CHRNA2: variants seen among roughly 807,000 people sequenced by gnomAD.
CHRNA2 encodes cholinergic receptor nicotinic alpha 2 subunit, also known as neuronal acetylcholine receptor subunit alpha-2.
Under a neutral mutation model 45.5 loss-of-function variants are expected in CHRNA2, and 40 were observed. The observed-to-expected ratio is 0.88, with a 90% CI of 0.68 to 1.15. The LOEUF (loss-of-function observed/expected upper bound fraction) is 1.15. CHRNA2 is among the 50% of genes most tolerant of loss of function. The pLI, the probability that CHRNA2 is intolerant of heterozygous loss-of-function variation, is 0.00. For missense variants in CHRNA2, 655 were observed against 701.7 expected (o/e 0.93, Z 0.75); for synonymous variants, 301 against 296.7 (o/e 1.01, Z -0.15).
At chr8:27,473,379 A>G (rs987993919) in intron 1 of CHRNA2, among the ~76,000 whole-genome samples, 6 of 152,216 alleles carry the variant, frequency 3.9e-5, no homozygotes, top group Non-Finnish European at 8.8e-5. Context: ...TTTTCAAGAA[A>G]GAATAAGGGT....
chr8:27,477,799 G>A (rs540572194), intron 1 of CHRNA2, among the ~76,000 whole-genome samples: 19 of 152,138 alleles, frequency 1.2e-4, no homozygotes, highest in Admixed American at 5.9e-4. Context: ...AAGTGGGTCT[G>A]GGTGAATGGG....
At position 27,470,971 on chromosome 8, in the gene CHRNA2, G is replaced by T. The variant is rs1212663669; in HGVS notation, c.73+15C>A. 6.2e-7 allele frequency: 1 copy of T among 1,613,478 alleles called. No individual in the cohort carries two copies. Among genetic ancestry groups the T allele is most frequent in the African/African-American group, 1.3e-5 (1 of 75,030 alleles). On this transcript the variant is annotated intron_variant, in intron 2 of 6. Transcript: ENST00000407991. Reference sequence around the variant, plus strand: ...ATGAGATGAAGTCTTACAATGACAGGTGACAAACACTCACCTGCTGGGGTC... The same window carrying T: ...ATGAGATGAAGTCTTACAATGACAGTTGACAAACACTCACCTGCTGGGGTC...
chr8:27,477,339 C>T (rs969260705), intron 1 of CHRNA2: 7 of 152,172 alleles, frequency 4.6e-5, no homozygotes, highest in African/African-American at 1.7e-4. Context: ...TCTCATCCAG[C>T]CAACCAATAT....
intron 1 of CHRNA2, chr8:27,475,332 T>G (rs1020737543): frequency 6.6e-6 from 1 of 152,246 alleles, no homozygotes; most frequent in Non-Finnish European, 1.5e-5. Context: ...TGAACAAATG[T>G]GGTCTATCCA....
Position 27,471,102 on chromosome 8 carries a change from G to T in CHRNA2, c.-44C>A, listed in dbSNP as rs1812869020. ...GGAGGTCAGGTCAGGGCTTTGCTGTGGGTTGCACCATGGACCATGTCCCCA... is the reference window on the plus strand; with the variant it reads ...GGAGGTCAGGTCAGGGCTTTGCTGTTGGTTGCACCATGGACCATGTCCCCA... On this transcript the variant is annotated 5_prime_UTR_variant, in exon 2 of 7. Coordinates refer to ENST00000407991, the MANE Select transcript of CHRNA2 (RefSeq NM_000742.4). 1.9e-6 allele frequency: 3 copies of T among 1,571,902 alleles called. No individual in the cohort carries two copies. The highest frequency in any genetic ancestry group is 2.6e-6 in the Non-Finnish European group (3 of 1,142,538).
At chr8:27,468,605 T>G (rs774321437) in intron 4 of CHRNA2, among the ~76,000 whole-genome samples, 1 of 152,228 alleles carries the variant, frequency 6.6e-6, no homozygotes, top group Non-Finnish European at 1.5e-5. Flanking sequence ...GGAGAGACTC[T>G]GAGGATGCCT....
chr8:27,461,729 G>GCAACATAC lies in CHRNA2; in HGVS notation c.1482_1489dup (p.Ala497GlyfsTer32). 1 of 1,614,196 alleles carries GCAACATAC rather than the reference G, an allele frequency of 6.2e-7. No homozygotes were observed. The highest frequency in any genetic ancestry group is 8.5e-7 in the Non-Finnish European group (1 of 1,180,010). On this transcript the variant is annotated frameshift_variant, in exon 7 of 7. Coordinates refer to ENST00000407991, the MANE Select transcript of CHRNA2 (RefSeq NM_000742.4). LOFTEE classifies it high-confidence loss of function. ...GAGGAAGATCCTGTCGATGACCATG[G>GCAACATAC]CAACATACTTCCAGTCCTCCTTCAC... is the stretch of plus-strand genomic sequence containing the variant.
intron 6 of CHRNA2, 23 bp downstream of exon 6, chr8:27,462,956 C>T (rs372560781): frequency 3.8e-5 from 61 of 1,613,688 alleles, no homozygotes; most frequent in Non-Finnish European, 4.6e-5. Flanking sequence ...CCCAGGCTGG[C>T]GCCTCTCCCA....
chr8:27,464,774 G>A (rs949410789), intron 5 of CHRNA2, among the ~76,000 whole-genome samples: 2 of 152,170 alleles, frequency 1.3e-5, no homozygotes, highest in African/African-American at 2.4e-5. Context: ...TACCTTGAAT[G>A]TATCCATTTA....
chr8:27,462,297 A>T (rs999685257), intron 6 of CHRNA2, among the ~76,000 whole-genome samples: 2 of 152,134 alleles, frequency 1.3e-5, no homozygotes, highest in Non-Finnish European at 2.9e-5. Flanking sequence ...CATCATGATT[A>T]ATTTTCTTGT....
At position 27,461,408 on chromosome 8, in the gene CHRNA2, C is replaced by T. The variant is rs1199031980; in HGVS notation, c.*221G>A. On this transcript the variant is annotated 3_prime_UTR_variant, in exon 7 of 7. Coordinates refer to ENST00000407991, the MANE Select transcript of CHRNA2 (RefSeq NM_000742.4). Reference sequence around the variant, plus strand: ...ATTGCGACCTTCTGCAGAGCTTCCCCAGCTCCTCCGTATCCAAAACAGGGC... The same window carrying T: ...ATTGCGACCTTCTGCAGAGCTTCCCTAGCTCCTCCGTATCCAAAACAGGGC... 3 of 617,644 alleles carry T rather than the reference C, an allele frequency of 4.9e-6. No individual in the cohort carries two copies. Among genetic ancestry groups the T allele is most frequent in the Non-Finnish European group, 8.3e-6 (3 of 361,146 alleles). 38.3% of individuals were successfully genotyped at this position (617,644 alleles called of 1,614,324 possible).
At chr8:27,464,138 C>T in intron 5 of CHRNA2, 145 bp from the exon 6 acceptor site, 1 of 862,372 alleles carries the variant, frequency 1.2e-6, no homozygotes, top group Non-Finnish European at 1.9e-6. Context: ...GTGTGTAAGT[C>T]TCCCCCGGCA....
intron 1 of CHRNA2, among the ~76,000 whole-genome samples, chr8:27,476,226 GC>G (rs1813056737): frequency 6.6e-6 from 1 of 152,334 alleles, no homozygotes; most frequent in African/African-American, 2.4e-5. Flanking sequence ...AACTGAGTGA[GC>G]TTGAGTAGAG....
intron 5 of CHRNA2, 121 bp from the exon 6 acceptor site, chr8:27,464,114 G>T: frequency 9.0e-7 from 1 of 1,110,920 alleles, no homozygotes; most frequent in Non-Finnish European, 1.3e-6. Flanking sequence ...CACTGGCGGG[G>T]TTTATTTATG....
chr8:27,463,887 C>T lies in CHRNA2; in HGVS notation c.556G>A (p.Asp186Asn), dbSNP rs1378630657. 1.2e-6 allele frequency: 2 copies of T among 1,614,186 alleles called. No homozygotes were observed. Among genetic ancestry groups the T allele is most frequent in the East Asian group, 2.2e-5 (1 of 44,886 alleles). ...PAIYKSSCSI[D>N]VTFFPFDQQN... ...TGGTCGAAGGGGAAGAAGGTGACGT[C>T]GATGCTGCAGGAGCTCTTGTAGATG... The change falls in exon 6 of 7, where the codon GAC (aspartate) becomes AAC (asparagine). Residue 186 changes from aspartate (D) to asparagine (N), a missense_variant. Around this residue, in one of 3 missense-constraint regions of CHRNA2, gnomAD observed 323 missense variants for 354.4 expected, o/e 0.91. Coordinates refer to ENST00000407991, the MANE Select transcript of CHRNA2 (RefSeq NM_000742.4). The surrounding 1 kb of genome is among the most constrained non-coding windows in gnomAD (Gnocchi z 6.1).
chr8:27,473,788 A>G (rs1162817737), intron 1 of CHRNA2, among the ~76,000 whole-genome samples: 1 of 152,202 alleles, frequency 6.6e-6, no homozygotes, highest in Non-Finnish European at 1.5e-5. Context: ...AACCACTTCT[A>G]TCTAGTCATT....
rs1008135646 is a variant in CHRNA2, at chr8:27,467,329, C to A, written c.349G>T (p.Asp117Tyr). ...GTGGGGTTCCAGCGCAGTTTGTAGT[C>A]GCTCCACTCCTGTGTGTGGGGAAGG... ...TNVWLKQEWSDYKLRWNPTDF... is the reference protein window; with the variant it reads ...TNVWLKQEWSYYKLRWNPTDF... Residue 117 changes from aspartate to tyrosine, a missense_variant, in exon 5 of 7, where the codon GAC becomes TAC. Transcript: ENST00000407991. 1.9e-6 allele frequency: 3 copies of A among 1,610,386 alleles called. No individual in the cohort carries two copies. The South Asian group carries it at 3.3e-5, about 18-fold the overall frequency.
chr8:27,470,500 C>G (rs1326279081), intron 2 of CHRNA2, among the ~76,000 whole-genome samples: 1 of 152,222 alleles, frequency 6.6e-6, no homozygotes, highest in Non-Finnish European at 1.5e-5. Flanking sequence ...ATCAGATAAA[C>G]AAAACTTTTC....
In CHRNA2 at chr8:27,463,006, G is replaced by A. The variant is rs374849310; in HGVS notation, c.1437C>T (p.His479=). The A allele has an allele frequency of 1.1e-4, 181 of 1,614,142 alleles. 1 individual carries two copies. The South Asian group carries it at 1.8e-3, about 16-fold the overall frequency. ...ALEGVHYIAD[H]LRSEDADSSV... ...AAGAGTCAGCATCCTCAGACCGCAG[G>A]TGGTCGGCAATGTAGTGCACACCTT... The change falls in exon 6 of 7, where the codon CAC becomes CAT. Residue 479 remains histidine, a synonymous_variant. Coordinates refer to ENST00000407991, the MANE Select transcript of CHRNA2 (RefSeq NM_000742.4). This position sits in a 1 kb window ranked among gnomAD's most constrained non-coding sequence, Gnocchi z 6.1.
Sources: allele counts gnomAD v4.1 joint callset (sites outside exome capture counted in the v4.1 genomes callset), GRCh38; gene constraint gnomAD v4.1.1; regional missense constraint gnomAD v4.1.1; non-coding constraint Gnocchi (gnomAD v3.1); transcripts MANE v1.5; gene names NCBI Gene and HGNC (gene_info 2026-07-23, HGNC 2026-07-21).